SPAG17: variants seen among roughly 807,000 people sequenced by gnomAD.
The protein encoded by SPAG17 is sperm associated antigen 17.
In SPAG17, 169 loss-of-function variants were observed where a neutral mutation model predicts 273.6. The ratio of observed to expected loss-of-function variants is 0.62; its 90% CI spans 0.55 to 0.70. SPAG17 has a LOEUF of 0.70. Ranked by LOEUF, SPAG17 falls within the 30% of genes least tolerant of loss-of-function variation. SPAG17 has a pLI of 0.00. For missense variants in SPAG17, 2,557 were observed against 2,627.8 expected (o/e 0.97, Z 0.59); for synonymous variants, 825 against 873.2 (o/e 0.94, Z 0.97).
intron 24 of SPAG17, among the ~76,000 whole-genome samples, chr1:118,032,415 G>A (rs1648577898): frequency 6.6e-6 from 1 of 151,972 alleles, no homozygotes; most frequent in Non-Finnish European, 1.5e-5. Flanking sequence ...TCTAAAAGGA[G>A]AGCTCATGCT....
At chr1:118,148,694 TG>T (rs1377863283) in intron 3 of SPAG17, among the ~76,000 whole-genome samples, 5 of 152,178 alleles carry the variant, frequency 3.3e-5, no homozygotes, top group Admixed American at 1.3e-4. Context: ...TCTCACTAGT[TG>T]GTACAACCAT....
chr1:118,080,725 G>A (rs1035008933), intron 15 of SPAG17, among the ~76,000 whole-genome samples: 1 of 152,134 alleles, frequency 6.6e-6, no homozygotes, highest in Non-Finnish European at 1.5e-5. Flanking sequence ...TGGGAGAGGA[G>A]GGGAAATGAT....
intron 23 of SPAG17, 78 bp from the exon 24 acceptor site, chr1:118,036,961 G>A: frequency 9.8e-7 from 1 of 1,023,510 alleles, no homozygotes; most frequent in Non-Finnish European, 1.5e-6. Flanking sequence ...GGAAGGCTGG[G>A]AATGGAGTTC....
intron 20 of SPAG17, among the ~76,000 whole-genome samples, chr1:118,042,724 A>ATT (rs1649914706): frequency 6.6e-6 from 1 of 152,156 alleles, no homozygotes. Flanking sequence ...ACTTTACTTC[A>ATT]TTCTCTCCAT....
intron 1 of SPAG17, among the ~76,000 whole-genome samples, chr1:118,181,943 C>T (rs1025987374): frequency 2.6e-5 from 4 of 152,086 alleles, no homozygotes; most frequent in East Asian, 1.9e-4. Context: ...CAGACCCCGT[C>T]TCAAAACAAA....
chr1:118,107,884 A>T (rs1656503371), intron 4 of SPAG17, among the ~76,000 whole-genome samples: 1 of 152,156 alleles, frequency 6.6e-6, no homozygotes, highest in Admixed American at 6.5e-5. Context: ...TCTCTATATA[A>T]CTTGGTGTCC....
intron 29 of SPAG17, 104 bp from the exon 30 acceptor site, chr1:118,012,476 T>A (rs754502051): frequency 6.1e-6 from 8 of 1,303,928 alleles, no homozygotes; most frequent in African/African-American, 1.5e-5. Context: ...AAAGTCCTAG[T>A]TATTTATTTA....
chr1:118,033,866 C>T lies in SPAG17; in HGVS notation c.3434-1999G>A, dbSNP rs563708972. Among the ~76,000 whole-genome samples the T allele has an allele frequency of 2.0e-5, 3 of 152,330 alleles. No homozygotes were observed. In the South Asian group the frequency reaches 6.2e-4, roughly 32 times the overall value. ...CTCTAAAGTCCCATCTGAAATGCTA[C>T]AATTTCTCTCAAGTATGTGTTGACT... On this transcript the variant is annotated intron_variant, in intron 24 of 48. Coordinates refer to ENST00000336338, the MANE Select transcript of SPAG17 (RefSeq NM_206996.4).
chr1:117,964,216 T>A, intron 47 of SPAG17: 1 of 234,368 alleles, frequency 4.3e-6, no homozygotes, highest in Non-Finnish European at 8.3e-6. Context: ...CCCCAAACCA[T>A]ATCTACATCA....
rs748160764 is a variant in SPAG17 at position 117,981,417 on chromosome 1, T to G, written c.5873-16A>C. 30 of 1,588,712 alleles carry G rather than the reference T, an allele frequency of 1.9e-5. No homozygotes were observed. Among genetic ancestry groups the G allele is most frequent in the Middle Eastern group, 1.7e-4 (1 of 6,018 alleles). ...GGCTTGAAATCTAGAAAACCCAAAA[T>G]GAACCTTATAAAGTGATATTTTGTA... On this transcript the variant is annotated splice_polypyrimidine_tract_variant and intron_variant, in intron 42 of 48. Coordinates refer to ENST00000336338, the MANE Select transcript of SPAG17 (RefSeq NM_206996.4).
At chr1:118,177,905 T>G (rs1465036206) in intron 1 of SPAG17, among the ~76,000 whole-genome samples, 3 of 152,050 alleles carry the variant, frequency 2.0e-5, no homozygotes, top group Non-Finnish European at 2.9e-5. Flanking sequence ...TAATGAATAA[T>G]AAGATTGAAG....
At chr1:118,156,276 C>T (rs1558051894) in intron 1 of SPAG17, among the ~76,000 whole-genome samples, 4 of 152,182 alleles carry the variant, frequency 2.6e-5, no homozygotes, top group Non-Finnish European at 4.4e-5. Flanking sequence ...TGCTTTTGCA[C>T]TTTGTGGTGC....
rs35746934 is a variant in SPAG17, at chr1:118,036,601, G to GACACACACAC, written c.3433+159_3433+168dup. 3.7e-4 allele frequency: 185 copies of GACACACACAC among 497,434 alleles called. No homozygotes were observed. In the East Asian group the frequency reaches 5.9e-3, roughly 16 times the overall value. 30.8% of individuals were successfully genotyped at this position (497,434 alleles called of 1,614,324 possible). A position where few individuals can be genotyped will look rare whatever the true frequency, so the allele number is the denominator to read the frequency against. ...TATATACTGTATACACACATATATA[G>GACACACACAC]ACACACACACACACACACACACACC... On this transcript the variant is annotated intron_variant, in intron 24 of 48. Coordinates refer to ENST00000336338, the MANE Select transcript of SPAG17 (RefSeq NM_206996.4).
At chr1:118,178,870 A>G (rs1660813455) in intron 1 of SPAG17, among the ~76,000 whole-genome samples, 2 of 152,032 alleles carry the variant, frequency 1.3e-5, no homozygotes, top group African/African-American at 4.8e-5. Flanking sequence ...AGTAGTGATA[A>G]AATGCCTAGG....
At chr1:118,055,248 C>A (rs574587037) in intron 19 of SPAG17, among the ~76,000 whole-genome samples, 3 of 152,118 alleles carry the variant, frequency 2.0e-5, no homozygotes, top group Non-Finnish European at 2.9e-5. Context: ...CTCCAAAAAT[C>A]TCTTTCCCCA....
chr1:118,165,062 T>C (rs1477561384), intron 1 of SPAG17, among the ~76,000 whole-genome samples: 1 of 152,212 alleles, frequency 6.6e-6, no homozygotes, highest in African/African-American at 2.4e-5. Flanking sequence ...AGCCCAACAG[T>C]GTCCTCTGCC....
At chr1:118,164,133 A>G (rs1335143748) in intron 1 of SPAG17, among the ~76,000 whole-genome samples, 3 of 152,170 alleles carry the variant, frequency 2.0e-5, no homozygotes, top group Non-Finnish European at 4.4e-5. Context: ...CTCTTGGCAC[A>G]TATTAGCTAT....
chr1:118,012,150 A>G, intron 30 of SPAG17, 78 bp downstream of exon 30: 1 of 1,416,984 alleles, frequency 7.1e-7, no homozygotes, highest in Non-Finnish European at 9.7e-7. Flanking sequence ...GTGTATGTTC[A>G]GCAGTCAGTG....
At chr1:118,132,056 A>C (rs1570749253) in intron 3 of SPAG17, among the ~76,000 whole-genome samples, 1 of 152,240 alleles carries the variant, frequency 6.6e-6, no homozygotes, top group Admixed American at 6.5e-5. Context: ...TACAAGGCAC[A>C]TGGAGCATTC....
Sources: gnomAD v4.1 joint callset for allele counts (sites outside exome capture counted in the v4.1 genomes callset) on GRCh38, gnomAD v4.1.1 for gene constraint, MANE v1.5 for transcripts, NCBI Gene and HGNC (gene_info 2026-07-23, HGNC 2026-07-21) for gene names.